ATRNL1: variants seen among roughly 807,000 people sequenced by gnomAD.
ATRNL1 encodes attractin like 1.
A neutral mutation model predicts 182.7 loss-of-function variants in ATRNL1; 95 were observed. That is an observed-to-expected ratio of 0.52 (90% confidence interval 0.44 to 0.62). The LOEUF (loss-of-function observed/expected upper bound fraction) is 0.62, where lower values mean the gene tolerates loss of function less well. ATRNL1 is among the 20% of genes least tolerant of loss of function. The pLI is 0.00. For missense variants in ATRNL1, 1,471 were observed against 1,679.5 expected (o/e 0.88, Z 2.17); for synonymous variants, 576 against 568.3 (o/e 1.01, Z -0.19).
chr10:115,615,855 C>A (rs1238566779), intron 26 of ATRNL1, among the ~76,000 whole-genome samples: 1 of 152,142 alleles, frequency 6.6e-6, no homozygotes, highest in East Asian at 1.9e-4. Context: ...TTATAAATTA[C>A]CCAGTCACAG....
rs11595944 is a variant in ATRNL1 at position 115,368,823 on chromosome 10, C to T, written c.3176-25836C>T. Among the ~76,000 whole-genome samples, 1,146 of 151,814 alleles carry T rather than the reference C, an allele frequency of 7.5e-3. 7 individuals carry two copies. Among genetic ancestry groups the T allele is most frequent in the Middle Eastern group, 0.017 (5 of 294 alleles). ...CCGCCTCCTGGGTTCAAGTGATTCT[C>T]CTGCCTGAGCCTCCTGAGTAGCTGA... On this transcript the variant is annotated intron_variant, in intron 19 of 28. Coordinates refer to ENST00000355044, the MANE Select transcript of ATRNL1 (RefSeq NM_207303.4).
intron 27 of ATRNL1, among the ~76,000 whole-genome samples, chr10:115,728,298 C>CAAAAAAA (rs58437496): frequency 1.7e-5 from 1 of 58,774 alleles, no homozygotes. Context: ...GACTCCGCCT[C>CAAAAAAA]AAAAAAAAAA....
At chr10:115,472,529 T>G (rs1848354567) in intron 24 of ATRNL1, among the ~76,000 whole-genome samples, 1 of 151,106 alleles carries the variant, frequency 6.6e-6, no homozygotes, top group Non-Finnish European at 1.5e-5. Flanking sequence ...TCATCAATGC[T>G]TTATAATTTT....
chr10:115,396,090 A>T (rs1323679710), intron 20 of ATRNL1, among the ~76,000 whole-genome samples: 2 of 151,924 alleles, frequency 1.3e-5, no homozygotes, highest in African/African-American at 4.8e-5. Context: ...TTGCAGAGTT[A>T]TCCTAAATGT....
At chr10:115,553,251 C>G (rs1362098069) in intron 26 of ATRNL1, among the ~76,000 whole-genome samples, 3 of 151,094 alleles carry the variant, frequency 2.0e-5, no homozygotes, top group African/African-American at 7.3e-5. Flanking sequence ...TGTAGCATGT[C>G]TCTGTGAAAC....
At chr10:115,840,510 G>A (rs1950782109) in intron 27 of ATRNL1, among the ~76,000 whole-genome samples, 3 of 152,034 alleles carry the variant, frequency 2.0e-5, no homozygotes, top group Non-Finnish European at 2.9e-5. Flanking sequence ...TAATAACACT[G>A]TGAGTAAGGT....
chr10:115,185,543 TAGAC>T (rs561749568), intron 8 of ATRNL1, among the ~76,000 whole-genome samples: 60 of 151,690 alleles, frequency 4.0e-4, no homozygotes, highest in African/African-American at 1.2e-3. Context: ...ACACTGAGAG[TAGAC>T]AGACAGGTAC....
chr10:115,605,141 C>A (rs145787210), intron 26 of ATRNL1, among the ~76,000 whole-genome samples: 6 of 152,006 alleles, frequency 3.9e-5, no homozygotes, highest in Non-Finnish European at 7.4e-5. Context: ...ACAGTTTATA[C>A]GCATACATCA....
At chr10:115,934,412 A>G (rs1555122384) in intron 28 of ATRNL1, among the ~76,000 whole-genome samples, 1 of 152,142 alleles carries the variant, frequency 6.6e-6, no homozygotes. Flanking sequence ...ACAACTGCAT[A>G]TCCAAGTAGA....
rs573242143 is a variant in ATRNL1, at chr10:115,631,484, C to T, written c.3795+81948C>T. On this transcript the variant is annotated intron_variant, in intron 26 of 28. Transcript: ENST00000355044. Reference sequence around the variant, plus strand: ...TATAGAAATAGAAAGACAATGTATGCTATCATATGTAATATGTTTTCTAGG... The same window carrying T: ...TATAGAAATAGAAAGACAATGTATGTTATCATATGTAATATGTTTTCTAGG... 4.5e-3 allele frequency among the ~76,000 whole-genome samples: 682 copies of T among 152,022 alleles called. 6 individuals carry two copies. The highest frequency in any genetic ancestry group is 0.024 in the Middle Eastern group (7 of 294).
At chr10:115,904,016 A>T (rs1952430872) in intron 28 of ATRNL1, among the ~76,000 whole-genome samples, 1 of 152,148 alleles carries the variant, frequency 6.6e-6, no homozygotes, top group Non-Finnish European at 1.5e-5. Context: ...TGAGTAAGTA[A>T]GGACGGCCTC....
chr10:115,205,966 T>G (rs567409385), intron 8 of ATRNL1, among the ~76,000 whole-genome samples: 3 of 152,126 alleles, frequency 2.0e-5, no homozygotes, highest in African/African-American at 7.2e-5. Context: ...TATCCCTTCA[T>G]CTGAAGAGCC....
intron 20 of ATRNL1, among the ~76,000 whole-genome samples, chr10:115,417,652 T>A (rs1554961119): frequency 6.6e-6 from 1 of 152,132 alleles, no homozygotes; most frequent in Non-Finnish European, 1.5e-5. Context: ...TGGTGACATA[T>A]CTCTCACCTG....
intron 21 of ATRNL1, 32 bp from the exon 22 acceptor site, chr10:115,461,909 T>C: frequency 6.7e-7 from 1 of 1,493,088 alleles, no homozygotes; most frequent in Non-Finnish European, 9.3e-7. Flanking sequence ...TTAAAGTACA[T>C]ATCAGGATTG....
intron 26 of ATRNL1, among the ~76,000 whole-genome samples, chr10:115,552,636 T>C (rs1853061540): frequency 6.6e-6 from 1 of 151,444 alleles, no homozygotes. Flanking sequence ...AACATAGATA[T>C]ACTTTTTGTG....
intron 19 of ATRNL1, among the ~76,000 whole-genome samples, chr10:115,371,120 C>G (rs1554947934): frequency 6.6e-6 from 1 of 152,180 alleles, no homozygotes; most frequent in East Asian, 1.9e-4. Context: ...TTGGGAACCT[C>G]TTCCTGGATT....
chr10:115,537,235 C>T (rs1176775391), intron 25 of ATRNL1, among the ~76,000 whole-genome samples: 4 of 152,288 alleles, frequency 2.6e-5, no homozygotes, highest in African/African-American at 9.6e-5. Flanking sequence ...ATCTAGTTTA[C>T]AAAGCTGAGG....
intron 19 of ATRNL1, among the ~76,000 whole-genome samples, chr10:115,335,950 G>T (rs1855461094): frequency 1.3e-5 from 2 of 152,258 alleles, no homozygotes; most frequent in South Asian, 4.1e-4. Flanking sequence ...TAGGTGAATG[G>T]AAGTTTTGTG....
At chr10:115,753,394 C>G (rs1948502369) in intron 27 of ATRNL1, among the ~76,000 whole-genome samples, 1 of 152,066 alleles carries the variant, frequency 6.6e-6, no homozygotes, top group South Asian at 2.1e-4. Context: ...TCTAATTGTT[C>G]AACTACCACT....
Sources: gnomAD v4.1 joint callset for allele counts (sites outside exome capture counted in the v4.1 genomes callset) on GRCh38, gnomAD v4.1.1 for gene constraint, MANE v1.5 for transcripts, NCBI Gene and HGNC (gene_info 2026-07-23, HGNC 2026-07-21) for gene names.